Variants in CMSS1 observed in about 807,000 individuals in gnomAD.
The protein encoded by CMSS1 is protein CMSS1.
CMSS1 carries 33 observed loss-of-function variants against 43.5 expected under a neutral mutation model. That is an observed-to-expected ratio of 0.76 (90% CI 0.57 to 1.01). CMSS1 has a LOEUF of 1.01. Among genes scored for constraint, CMSS1 ranks in the 50% least tolerant of loss-of-function variants. The probability of loss-of-function intolerance (pLI) is 0.00; values close to 1 mark genes in which losing one functional copy is unlikely to be tolerated. For missense variants in CMSS1, 313 were observed against 326.4 expected (o/e 0.96, Z 0.32); for synonymous variants, 115 against 117.2 (o/e 0.98, Z 0.12).
chr3:99,862,885 G>A (rs1257931758), intron 1 of CMSS1, among the ~76,000 whole-genome samples: 1 of 152,144 alleles, frequency 6.6e-6, no homozygotes, highest in Non-Finnish European at 1.5e-5. Context: ...TGCTGTGAAT[G>A]TCCAATATCC....
At chr3:100,064,415 A>G (rs1030417779) in intron 1 of CMSS1, among the ~76,000 whole-genome samples, 3 of 150,486 alleles carry the variant, frequency 2.0e-5, no homozygotes, top group Admixed American at 1.3e-4. Context: ...TTTTTTCAAC[A>G]TTAAAGCCAC....
chr3:99,907,157 C>T (rs1706644224), intron 1 of CMSS1, among the ~76,000 whole-genome samples: 1 of 152,180 alleles, frequency 6.6e-6, no homozygotes, highest in African/African-American at 2.4e-5. Context: ...AGATCTTCAG[C>T]TTCTTGTACT....
At chr3:99,892,702 T>G (rs939865532) in intron 1 of CMSS1, among the ~76,000 whole-genome samples, 3 of 151,970 alleles carry the variant, frequency 2.0e-5, no homozygotes, top group African/African-American at 7.3e-5. Context: ...TTCCCATAAC[T>G]CTCCCCCAAT....
rs2066963367 is a variant in CMSS1 at position 100,155,493 on chromosome 3, C to A, written c.154-4937C>A. On this transcript the variant is annotated intron_variant, in intron 2 of 9. Coordinates refer to ENST00000421999, the MANE Select transcript of CMSS1 (RefSeq NM_032359.4). The stretch of plus-strand genomic sequence containing the variant: ...TGTTTTGTTTTGTTTTGTTTTGCTG[C>A]AAAACTCCATATTTCTATTTCACTC... Among the ~76,000 whole-genome samples the A allele has an allele frequency of 2.0e-5, 3 of 152,182 alleles. No homozygotes were observed. In the South Asian group the frequency reaches 6.2e-4, roughly 32 times the overall value.
chr3:100,167,502 A>C (rs1226521351), intron 5 of CMSS1, among the ~76,000 whole-genome samples: 2 of 152,250 alleles, frequency 1.3e-5, no homozygotes, highest in African/African-American at 4.8e-5. Context: ...ACTTAATTTT[A>C]AAATTAGTCA....
At chr3:100,013,412 T>C (rs551244568) in intron 1 of CMSS1, among the ~76,000 whole-genome samples, 4 of 151,722 alleles carry the variant, frequency 2.6e-5, no homozygotes, top group African/African-American at 9.7e-5. Context: ...CCCAGCTAAT[T>C]TTTATATTTT....
At chr3:100,157,534 A>AT (rs889339663) in intron 2 of CMSS1, among the ~76,000 whole-genome samples, 7 of 152,132 alleles carry the variant, frequency 4.6e-5, no homozygotes, top group African/African-American at 1.7e-4. Context: ...AACAAGCTGG[A>AT]TTTTTTACTA....
At position 100,110,819 on chromosome 3, in the gene CMSS1, C is replaced by T. The variant is rs6805834; in HGVS notation, c.65-36154C>T. Among the ~76,000 whole-genome samples, 692 of 152,174 alleles carry T rather than the reference C, an allele frequency of 4.5e-3. 7 individuals are homozygous for T. Among genetic ancestry groups the T allele is most frequent in the African/African-American group, 0.016 (677 of 41,532 alleles). On this transcript the variant is annotated intron_variant, in intron 1 of 9. Transcript: ENST00000421999. ...TCACAACAGCCTACTTATGCTTGCA[C>T]CAGAAGCAGGATCTGGACTGGGTAG...
At position 100,176,362 on chromosome 3, in the gene CMSS1, T is replaced by G. The variant is rs776658149; in HGVS notation, c.703T>G (p.Phe235Val). The G allele has an allele frequency of 1.9e-6, 3 of 1,613,866 alleles. No homozygotes were observed. Among genetic ancestry groups the G allele is most frequent in the Non-Finnish European group, 2.5e-6 (3 of 1,179,790 alleles). ...TTTGAGCCCCTTAAAATTTCTGGTTTTTGACTGGAACTGGAGAGATCAGAA... is the reference window on the plus strand; with the variant it reads ...TTTGAGCCCCTTAAAATTTCTGGTTGTTGACTGGAACTGGAGAGATCAGAA... Reference protein sequence around the residue: ...LNLSPLKFLVFDWNWRDQKLR... With the variant: ...LNLSPLKFLVVDWNWRDQKLR... Residue 235 changes from phenylalanine to valine, a missense_variant, in exon 9 of 10, where the codon TTT (phenylalanine) becomes GTT (valine). Transcript: ENST00000421999.
intron 1 of CMSS1, among the ~76,000 whole-genome samples, chr3:99,944,916 G>T (rs1224456733): frequency 6.6e-6 from 1 of 152,224 alleles, no homozygotes; most frequent in Non-Finnish European, 1.5e-5. Context: ...GGTCAAATCT[G>T]CGATGAAGGC....
At chr3:99,904,392 T>G (rs1221188007) in intron 1 of CMSS1, among the ~76,000 whole-genome samples, 2 of 152,230 alleles carry the variant, frequency 1.3e-5, no homozygotes, top group African/African-American at 4.8e-5. Flanking sequence ...CAAAAATTTA[T>G]TTGGTTTCTA....
chr3:99,920,251 A>G (rs1464999919), intron 1 of CMSS1, among the ~76,000 whole-genome samples: 1 of 152,234 alleles, frequency 6.6e-6, no homozygotes, highest in Non-Finnish European at 1.5e-5. Context: ...GTTTCAAAAA[A>G]AAGCAACTCT....
At chr3:100,151,010 A>G (rs2066902843) in intron 2 of CMSS1, among the ~76,000 whole-genome samples, 1 of 152,112 alleles carries the variant, frequency 6.6e-6, no homozygotes, top group African/African-American at 2.4e-5. Context: ...TCCTTTAATC[A>G]TAAAGGAATC....
intron 1 of CMSS1, among the ~76,000 whole-genome samples, chr3:100,141,995 CCTTA>C (rs2066809422): frequency 6.6e-6 from 1 of 152,176 alleles, no homozygotes; most frequent in Non-Finnish European, 1.5e-5. Flanking sequence ...GAACTAGCAT[CCTTA>C]CTTCAGAAAA....
intron 1 of CMSS1, among the ~76,000 whole-genome samples, chr3:99,923,362 ACTCAT>A (rs1380971637): frequency 6.6e-6 from 1 of 152,036 alleles, no homozygotes; most frequent in Non-Finnish European, 1.5e-5. Flanking sequence ...CTAAACCAGG[ACTCAT>A]CTCCTACCTA....
chr3:100,131,905 A>G (rs975918168), intron 1 of CMSS1, among the ~76,000 whole-genome samples: 1 of 152,206 alleles, frequency 6.6e-6, no homozygotes, highest in South Asian at 2.1e-4. Context: ...TTAGAGCCCC[A>G]CATTATACTC....
At chr3:99,891,691 A>G (rs1559677942) in intron 1 of CMSS1, among the ~76,000 whole-genome samples, 1 of 152,200 alleles carries the variant, frequency 6.6e-6, no homozygotes, top group Non-Finnish European at 1.5e-5. Context: ...CCTGAAAACT[A>G]TGTCTAAAAG....
At chr3:100,074,325 T>C (rs531054767) in intron 1 of CMSS1, among the ~76,000 whole-genome samples, 2 of 152,328 alleles carry the variant, frequency 1.3e-5, no homozygotes, top group South Asian at 4.1e-4. Context: ...CCCTACACTC[T>C]GGGAACAGAC....
At chr3:100,044,210 C>T (rs1307338356) in intron 1 of CMSS1, among the ~76,000 whole-genome samples, 2 of 152,122 alleles carry the variant, frequency 1.3e-5, no homozygotes, top group Non-Finnish European at 2.9e-5. Context: ...TTTGATTGAG[C>T]GTCTTCTATG....
Sources: allele counts gnomAD v4.1 joint callset (sites outside exome capture counted in the v4.1 genomes callset), GRCh38; gene constraint gnomAD v4.1.1; transcripts MANE v1.5; gene names NCBI Gene and HGNC (gene_info 2026-07-23, HGNC 2026-07-21).